STXBP5L: variants seen among roughly 807,000 people sequenced by gnomAD.
STXBP5L encodes the protein syntaxin binding protein 5L.
In STXBP5L, 65 loss-of-function variants were observed where a neutral mutation model predicts 144.5. That is an observed-to-expected ratio of 0.45 (90% confidence interval 0.37 to 0.55). STXBP5L has a LOEUF of 0.55. Among genes scored for constraint, STXBP5L ranks in the 20% least tolerant of loss-of-function variants. The probability of loss-of-function intolerance (pLI) is 0.00; values close to 1 mark genes in which losing one functional copy is unlikely to be tolerated. For missense variants in STXBP5L, 1,298 were observed against 1,405.5 expected (o/e 0.92, Z 1.22); for synonymous variants, 505 against 469.6 (o/e 1.08, Z -0.97).
At chr3:121,201,108 G>A (rs2048120695) in intron 9 of STXBP5L, among the ~76,000 whole-genome samples, 1 of 152,120 alleles carries the variant, frequency 6.6e-6, no homozygotes, top group Non-Finnish European at 1.5e-5. Flanking sequence ...CTATTGCTAT[G>A]CAGGAGTCCA....
At chr3:121,199,985 A>G (rs1297389627) in intron 9 of STXBP5L, among the ~76,000 whole-genome samples, 1 of 152,038 alleles carries the variant, frequency 6.6e-6, no homozygotes, top group East Asian at 1.9e-4. Context: ...TATCAGGATG[A>G]TGCTGGCCTC....
chr3:121,016,629 G>A (rs1055143250), intron 3 of STXBP5L, among the ~76,000 whole-genome samples: 1 of 152,126 alleles, frequency 6.6e-6, no homozygotes, highest in African/African-American at 2.4e-5. Flanking sequence ...GTTTCAAAAG[G>A]TGTAACATAG....
chr3:120,952,744 C>T (rs1433048416), intron 2 of STXBP5L, among the ~76,000 whole-genome samples: 1 of 152,038 alleles, frequency 6.6e-6, no homozygotes, highest in Non-Finnish European at 1.5e-5. Context: ...ATAAAGTACC[C>T]ATGCCCTTAT....
chr3:121,100,067 T>C (rs1283914084), intron 5 of STXBP5L, among the ~76,000 whole-genome samples: 1 of 152,186 alleles, frequency 6.6e-6, no homozygotes, highest in East Asian at 1.9e-4. Context: ...CAAATATATA[T>C]GCACCCAAAT....
At chr3:121,080,813 A>G (rs2042219523) in intron 5 of STXBP5L, among the ~76,000 whole-genome samples, 2 of 152,136 alleles carry the variant, frequency 1.3e-5, no homozygotes, top group African/African-American at 4.8e-5. Context: ...TTGTAGTCAC[A>G]TTGTTTAGCC....
chr3:121,229,877 A>T (rs2049246822), intron 11 of STXBP5L, among the ~76,000 whole-genome samples: 1 of 152,178 alleles, frequency 6.6e-6, no homozygotes, highest in South Asian at 2.1e-4. Context: ...TAATTGTCAG[A>T]AAAACGTGTT....
At chr3:121,069,101 A>G (rs1310512535) in intron 5 of STXBP5L, among the ~76,000 whole-genome samples, 1 of 152,178 alleles carries the variant, frequency 6.6e-6, no homozygotes, top group Non-Finnish European at 1.5e-5. Context: ...AAATGGTTCT[A>G]TCACCACAAA....
intron 5 of STXBP5L, among the ~76,000 whole-genome samples, chr3:121,052,558 A>C (rs1948100300): frequency 6.6e-6 from 1 of 152,234 alleles, no homozygotes; most frequent in Admixed American, 6.5e-5. Context: ...CTTCATGCTA[A>C]AAACTCTCAA....
rs966398042 is a variant in STXBP5L at position 121,097,222 on chromosome 3, G to A, written c.471-17703G>A. 2.0e-5 allele frequency among the ~76,000 whole-genome samples: 3 copies of A among 152,318 alleles called. No homozygotes were observed. In the East Asian group the frequency reaches 5.8e-4, roughly 29 times the overall value. ...CCCAGGTTGATCTCTGACTGCTGTT[G>A]TGTTGGCAGTGAGAATTTCAAGCCA... On this transcript the variant is annotated intron_variant, in intron 5 of 26. Transcript: ENST00000471454.
At chr3:121,049,141 G>A (rs551170272) in intron 5 of STXBP5L, among the ~76,000 whole-genome samples, 5 of 152,260 alleles carry the variant, frequency 3.3e-5, no homozygotes, top group Admixed American at 2.6e-4. Flanking sequence ...TAGCAGGGTT[G>A]GGGACCCATG....
rs370313524 is a variant in STXBP5L at position 121,011,295 on chromosome 3, C to G, written c.288-30405C>G. ...CCCTTATTCGTTCTTATATGCTATA[C>G]TCTCCCCAGTTCAGTGCTTCTAACA... On this transcript the variant is annotated intron_variant, in intron 3 of 26. Transcript: ENST00000471454. 4.6e-5 allele frequency among the ~76,000 whole-genome samples: 7 copies of G among 151,462 alleles called. 1 individual carries two copies. Among genetic ancestry groups the G allele is most frequent in the African/African-American group, 1.5e-4 (6 of 41,338 alleles).
intron 10 of STXBP5L, among the ~76,000 whole-genome samples, chr3:121,211,737 C>G (rs553059647): frequency 1.3e-5 from 2 of 151,946 alleles, no homozygotes; most frequent in African/African-American, 4.8e-5. Context: ...TGCCACCATT[C>G]CCAGCTAATT....
chr3:121,171,356 G>A (rs1282611279), intron 9 of STXBP5L, among the ~76,000 whole-genome samples: 1 of 152,146 alleles, frequency 6.6e-6, no homozygotes, highest in African/African-American at 2.4e-5. Flanking sequence ...GTTCTGGCCA[G>A]GGCAATCAGG....
intron 5 of STXBP5L, among the ~76,000 whole-genome samples, chr3:121,055,826 A>T (rs1000247507): frequency 6.6e-6 from 1 of 150,772 alleles, no homozygotes; most frequent in Non-Finnish European, 1.5e-5. Flanking sequence ...TAGCCTCCTG[A>T]GGTGTGCACT....
intron 20 of STXBP5L, among the ~76,000 whole-genome samples, chr3:121,359,177 G>A (rs2045624777): frequency 6.6e-6 from 1 of 152,108 alleles, no homozygotes; most frequent in Non-Finnish European, 1.5e-5. Context: ...TATCTCATTA[G>A]TTTTGATTTG....
intron 3 of STXBP5L, among the ~76,000 whole-genome samples, chr3:121,029,222 G>A (rs1211482572): frequency 6.6e-6 from 1 of 152,068 alleles, no homozygotes; most frequent in South Asian, 2.1e-4. Flanking sequence ...ATATAGCCAA[G>A]ACAATCCTAA....
chr3:121,103,391 T>C (rs2043531969), intron 5 of STXBP5L, among the ~76,000 whole-genome samples: 1 of 152,118 alleles, frequency 6.6e-6, no homozygotes, highest in Non-Finnish European at 1.5e-5. Context: ...TTTGCAGCTA[T>C]TTGGATGCAG....
chr3:121,321,953 C>T (rs1344719045), intron 20 of STXBP5L, among the ~76,000 whole-genome samples: 11 of 152,138 alleles, frequency 7.2e-5, no homozygotes, highest in African/African-American at 2.4e-4. Flanking sequence ...CCCATCACCC[C>T]GGCAGTGAGC....
At chr3:121,116,975 G>T (rs1425428326) in intron 6 of STXBP5L, among the ~76,000 whole-genome samples, 3 of 151,884 alleles carry the variant, frequency 2.0e-5, no homozygotes, top group Non-Finnish European at 4.4e-5. Context: ...TAATTGAGAA[G>T]AATTTGTTAT....
Sources: gnomAD v4.1 joint callset for allele counts (sites outside exome capture counted in the v4.1 genomes callset) on GRCh38, gnomAD v4.1.1 for gene constraint, MANE v1.5 for transcripts, NCBI Gene and HGNC (gene_info 2026-07-23, HGNC 2026-07-21) for gene names.